CSMD3: variants seen among roughly 807,000 people sequenced by gnomAD.
The protein encoded by CSMD3 is CUB and sushi domain-containing protein 3.
Under a neutral mutation model 435.2 loss-of-function variants are expected in CSMD3, and 177 were observed. The ratio of observed to expected loss-of-function variants is 0.41; its 90% CI spans 0.36 to 0.46. The LOEUF (loss-of-function observed/expected upper bound fraction) is 0.46. Among genes scored for constraint, CSMD3 ranks in the 20% least tolerant of loss-of-function variants. CSMD3 has a pLI of 0.34. For missense variants in CSMD3, 4,265 were observed against 4,504.6 expected (o/e 0.95, Z 1.52); for synonymous variants, 1,656 against 1,520.5 (o/e 1.09, Z -2.07).
rs191933325 is a variant in CSMD3 at position 113,302,361 on chromosome 8, G to C, written c.401+12210C>G. Among the ~76,000 whole-genome samples, 2 of 137,574 alleles carry C rather than the reference G, an allele frequency of 1.5e-5. 1 individual carries two copies. Among genetic ancestry groups the C allele is most frequent in the Admixed American group, 1.7e-4 (2 of 11,822 alleles). 90.3% of individuals were successfully genotyped at this position (137,574 alleles called of 152,430 possible). The stretch of plus-strand genomic sequence containing the variant: ...ATAAAAAATATTAGGAAGAATATCT[G>C]AAATGATGTTATGAGAATTGTATAT... On this transcript the variant is annotated intron_variant, in intron 2 of 70. Transcript: ENST00000297405.
chr8:112,678,893 C>T (rs1397954110), intron 16 of CSMD3, among the ~76,000 whole-genome samples: 1 of 151,874 alleles, frequency 6.6e-6, no homozygotes, highest in Non-Finnish European at 1.5e-5. Flanking sequence ...CGTTTGTTAA[C>T]ATTTGTAAAT....
chr8:112,835,782 G>T (rs1367729254), intron 11 of CSMD3, among the ~76,000 whole-genome samples: 2 of 151,858 alleles, frequency 1.3e-5, no homozygotes, highest in South Asian at 2.1e-4. Flanking sequence ...TGTTCAACAG[G>T]TAAAAATAAA....
chr8:113,217,711 T>C (rs1051720399), intron 3 of CSMD3, among the ~76,000 whole-genome samples: 4 of 151,490 alleles, frequency 2.6e-5, no homozygotes, highest in Non-Finnish European at 5.9e-5. Context: ...CTTAGTGATA[T>C]GTAGAGGAAT....
chr8:112,875,281 A>C (rs898225542), intron 10 of CSMD3, among the ~76,000 whole-genome samples: 1 of 152,156 alleles, frequency 6.6e-6, no homozygotes, highest in Non-Finnish European at 1.5e-5. Flanking sequence ...TTCTGCAGAG[A>C]GTTCCACCGT....
chr8:113,432,069 T>C (rs996676338), intron 1 of CSMD3, among the ~76,000 whole-genome samples: 2 of 152,202 alleles, frequency 1.3e-5, no homozygotes, highest in Non-Finnish European at 2.9e-5. Context: ...CATCAGGTTT[T>C]CAAGATGCCG....
At chr8:112,703,807 A>G (rs2076440608) in intron 13 of CSMD3, among the ~76,000 whole-genome samples, 1 of 152,138 alleles carries the variant, frequency 6.6e-6, no homozygotes, top group African/African-American at 2.4e-5. Flanking sequence ...ACCTTCAAGC[A>G]TCTCAGACAA....
intron 6 of CSMD3, among the ~76,000 whole-genome samples, chr8:112,983,958 C>T (rs1293886656): frequency 6.6e-6 from 1 of 151,882 alleles, no homozygotes; most frequent in Admixed American, 6.6e-5. Context: ...TTTCCTGCAA[C>T]AGACATTTTG....
At chr8:112,741,317 G>A (rs1303462054) in intron 13 of CSMD3, among the ~76,000 whole-genome samples, 1 of 151,894 alleles carries the variant, frequency 6.6e-6, no homozygotes, top group African/African-American at 2.4e-5. Flanking sequence ...TTTCTCCAAA[G>A]AAGACATATT....
intron 30 of CSMD3, among the ~76,000 whole-genome samples, chr8:112,494,948 A>T (rs2130871215): frequency 6.6e-6 from 1 of 152,232 alleles, no homozygotes; most frequent in Non-Finnish European, 1.5e-5. Flanking sequence ...ACATGGATAC[A>T]CTTACACAAA....
At chr8:112,986,278 T>C (rs2085251619) in intron 6 of CSMD3, among the ~76,000 whole-genome samples, 1 of 152,224 alleles carries the variant, frequency 6.6e-6, no homozygotes, top group Non-Finnish European at 1.5e-5. Flanking sequence ...GTATATTATC[T>C]GGAAACTCTA....
intron 1 of CSMD3, among the ~76,000 whole-genome samples, chr8:113,344,701 T>C (rs1309512249): frequency 1.3e-5 from 2 of 152,142 alleles, no homozygotes; most frequent in African/African-American, 4.8e-5. Flanking sequence ...AGACACAGTT[T>C]CATATTCCAG....
intron 4 of CSMD3, among the ~76,000 whole-genome samples, chr8:113,126,736 T>G (rs548410764): frequency 6.6e-6 from 1 of 151,858 alleles, no homozygotes. Context: ...ATATTGTTAT[T>G]GACTGTTCAA....
chr8:112,573,456 G>C (rs1346771651), intron 24 of CSMD3, 45 bp downstream of exon 24: 2 of 1,452,468 alleles, frequency 1.4e-6, no homozygotes, highest in Non-Finnish European at 1.9e-6. Flanking sequence ...TAATATACAT[G>C]CAGCACCCCA....
intron 7 of CSMD3, among the ~76,000 whole-genome samples, chr8:112,958,566 T>C (rs2084117107): frequency 6.6e-6 from 1 of 152,190 alleles, no homozygotes; most frequent in South Asian, 2.1e-4. Context: ...TCAATATAAA[T>C]TCAAAATTGC....
chr8:113,217,190 T>C (rs1274363037), intron 3 of CSMD3, among the ~76,000 whole-genome samples: 2 of 150,230 alleles, frequency 1.3e-5, no homozygotes, highest in African/African-American at 4.9e-5. Flanking sequence ...GAGGTGTAAA[T>C]TATGCCAGTA....
intron 3 of CSMD3, among the ~76,000 whole-genome samples, chr8:113,244,201 T>C (rs975390308): frequency 6.6e-6 from 1 of 152,244 alleles, no homozygotes; most frequent in Non-Finnish European, 1.5e-5. Flanking sequence ...CTTGTGCTTT[T>C]GGTATCACAA....
Position 113,183,614 on chromosome 8 carries a change from T to TG in CSMD3, c.515-9699dup, listed in dbSNP as rs201424731. On this transcript the variant is annotated intron_variant, in intron 3 of 70. Coordinates refer to ENST00000297405, the MANE Select transcript of CSMD3 (RefSeq NM_198123.2). ...TTATCCCCTGCTATACAGAAGCAGT[T>TG]GGTTTCTCCAACCCGTAAGTCCCCA... Among the ~76,000 whole-genome samples the TG allele has an allele frequency of 3.3e-3, 502 of 152,088 alleles. 3 individuals carry two copies. Among genetic ancestry groups the TG allele is most frequent in the African/African-American group, 0.01 (429 of 41,538 alleles).
At chr8:112,778,615 C>T (rs553971096) in intron 13 of CSMD3, among the ~76,000 whole-genome samples, 16 of 151,994 alleles carry the variant, frequency 1.1e-4, no homozygotes, top group African/African-American at 3.6e-4. Flanking sequence ...TCCAAATTGA[C>T]AAATATGGAT....
At chr8:112,721,714 A>G (rs1487247938) in intron 13 of CSMD3, among the ~76,000 whole-genome samples, 5 of 152,156 alleles carry the variant, frequency 3.3e-5, no homozygotes, top group Non-Finnish European at 7.4e-5. Flanking sequence ...TTGATAGTAG[A>G]GAAAAGAAAC....
Sources: gnomAD v4.1 joint callset for allele counts (sites outside exome capture counted in the v4.1 genomes callset) on GRCh38, gnomAD v4.1.1 for gene constraint, MANE v1.5 for transcripts, NCBI Gene and HGNC (gene_info 2026-07-23, HGNC 2026-07-21) for gene names.